Variants in AARS1 observed in about 807,000 individuals in gnomAD.
AARS1 encodes the protein alanyl-tRNA synthetase 1.
Under a neutral mutation model 108.9 loss-of-function variants are expected in AARS1, and 72 were observed. The observed-to-expected ratio is 0.66, with a 90% CI of 0.55 to 0.80. AARS1 has a LOEUF of 0.80. AARS1 is among the 30% of genes least tolerant of loss of function. The pLI is 0.00. For missense variants in AARS1, 1,193 were observed against 1,233.2 expected, an observed-to-expected ratio of 0.97 and a Z score of 0.49; for synonymous variants, 489 against 465.7, an observed-to-expected ratio of 1.05 and a Z score of -0.64.
In AARS1 at chr16:70,254,831, G is replaced by A. The variant is rs1424390045; in HGVS notation, c.2287-97C>T. On this transcript the variant is annotated intron_variant, in intron 16 of 20. Coordinates refer to ENST00000261772, the MANE Select transcript of AARS1 (RefSeq NM_001605.3). ...TGCGGAAGCCCCGGCGGTAGGCCTT[G>A]CAGCAACATACCCCAACACCCCAAA... 1.0e-5 allele frequency: 8 copies of A among 789,448 alleles called. No homozygotes were observed. In the Admixed American group the frequency reaches 1.4e-4, roughly 14 times the overall value. 48.9% of individuals were successfully genotyped at this position (789,448 alleles called of 1,614,324 possible).
At chr16:70,262,765 G>A (rs1037184095) in intron 11 of AARS1, among the ~76,000 whole-genome samples, 2 of 151,552 alleles carry the variant, frequency 1.3e-5, no homozygotes, top group Non-Finnish European at 1.5e-5. Flanking sequence ...TCAAGAGATC[G>A]AGACCATCCT....
rs199533780 is a variant in AARS1 at position 70,278,804 on chromosome 16, GA to G, written c.145-1651del. On this transcript the variant is annotated intron_variant, in intron 2 of 20. Coordinates refer to ENST00000261772, the MANE Select transcript of AARS1 (RefSeq NM_001605.3). ...TGCCTAATATCATTTCAAATTGGGG[GA>G]AAAAAAAAAGGCAAGGTATTTGCTG... 4.0e-3 allele frequency among the ~76,000 whole-genome samples: 586 copies of G among 146,402 alleles called. 4 individuals are homozygous for G. The highest frequency in any genetic ancestry group is 0.032 in the East Asian group (162 of 5,040).
intron 1 of AARS1, among the ~76,000 whole-genome samples, chr16:70,285,465 T>C (rs1024002857): frequency 2.6e-5 from 4 of 151,932 alleles, no homozygotes; most frequent in African/African-American, 9.7e-5. Flanking sequence ...TTTTTCTTTT[T>C]TGAGACAGAG....
At chr16:70,275,668 C>A (rs1207475230) in intron 4 of AARS1, among the ~76,000 whole-genome samples, 1 of 151,530 alleles carries the variant, frequency 6.6e-6, no homozygotes, top group Non-Finnish European at 1.5e-5. Context: ...GAGGCTGAGG[C>A]AGGAGAATGG....
chr16:70,286,373 T>G (rs2152172527), intron 1 of AARS1, among the ~76,000 whole-genome samples: 1 of 148,848 alleles, frequency 6.7e-6, no homozygotes, highest in East Asian at 2.0e-4. Flanking sequence ...TTTTTTTTTT[T>G]TTTTTTTTTT....
At chr16:70,262,229 C>T in intron 12 of AARS1, 117 bp downstream of exon 12, 1 of 1,293,276 alleles carries the variant, frequency 7.7e-7, no homozygotes, top group Non-Finnish European at 1.1e-6. Context: ...TACCATGGAA[C>T]CCAACCCAAA....
rs1555540563 is a variant in AARS1 at position 70,262,996 on chromosome 16, A to AAAAAAC, written c.1493-473_1493-472insGTTTTT. Among the ~76,000 whole-genome samples the AAAAAAC allele has an allele frequency of 3.2e-3, 412 of 128,942 alleles. 11 individuals are homozygous for AAAAAAC. Among genetic ancestry groups the AAAAAAC allele is most frequent in the Middle Eastern group, 7.9e-3 (2 of 252 alleles). The allele number at this position is 128,942 out of a possible 152,430, so 84.6% of individuals were successfully genotyped here. A position where few individuals can be genotyped will look rare whatever the true frequency, so the allele number is the denominator to read the frequency against. ...AAAAAAAAAAAAAAAAAAAAAAAAA[A>AAAAAAC]AACAACAACAACAAAGGGCTTCGCA... On this transcript the variant is annotated intron_variant, in intron 11 of 20. Transcript: ENST00000261772.
At chr16:70,260,900 G>C (rs1283337430) in intron 13 of AARS1, 144 bp downstream of exon 13, 2 of 630,524 alleles carry the variant, frequency 3.2e-6, no homozygotes, top group African/African-American at 3.6e-5. Context: ...CTGACCTCAT[G>C]ATCCACCCGC....
In AARS1 at chr16:70,252,653, G is replaced by A. The variant is rs1959868994; in HGVS notation, c.*68C>T. On this transcript the variant is annotated 3_prime_UTR_variant, in exon 21 of 21. Transcript: ENST00000261772. ...TCTTTAAAGGTCCCAAGATTCAAAT[G>A]TTCTTGTAGCAGATGAAGAGCTCTT... 2 of 1,561,784 alleles carry A rather than the reference G, an allele frequency of 1.3e-6. No homozygotes were observed. The highest frequency in any genetic ancestry group is 1.7e-5 in the Admixed American group (1 of 59,942).
chr16:70,268,182 A>G (rs1960311541), intron 8 of AARS1, 89 bp downstream of exon 8: 2 of 1,261,766 alleles, frequency 1.6e-6, no homozygotes, highest in African/African-American at 1.5e-5. Context: ...AACAGCAACA[A>G]AAAGCTGCTT....
At position 70,270,446 on chromosome 16, in the gene AARS1, C is replaced by T. The variant is rs1960371374; in HGVS notation, c.672-106G>A. 4 of 1,439,800 alleles carry T rather than the reference C, an allele frequency of 2.8e-6. No individual in the cohort carries two copies. The East Asian group carries it at 9.1e-5, about 33-fold the overall frequency. The allele number at this position is 1,439,800 out of a possible 1,614,324, so 89.2% of individuals were successfully genotyped here. On this transcript the variant is annotated intron_variant, in intron 5 of 20. Transcript: ENST00000261772. ...TACAGAACAGTTTGCAGGCTGTGAC[C>T]ATCTGCCATTTGCCCGGTTTGGTGG...
chr16:70,254,543 A>G (rs1959929817), intron 17 of AARS1, 78 bp downstream of exon 17: 3 of 1,048,334 alleles, frequency 2.9e-6, no homozygotes, highest in Middle Eastern at 2.0e-4. Flanking sequence ...GGCCTGACTG[A>G]CTACAGATGA....
intron 5 of AARS1, 144 bp from the exon 6 acceptor site, chr16:70,270,484 G>T: frequency 1.0e-6 from 1 of 988,250 alleles, no homozygotes; most frequent in Non-Finnish European, 1.6e-6. Context: ...AGAGGGAAGT[G>T]GAGGGAGAAA....
In AARS1 at chr16:70,253,344, G is replaced by A; in HGVS notation, c.2645C>T (p.Ser882Phe). The change falls in exon 20 of 21, where the codon TCC (serine) becomes TTC (phenylalanine). Residue 882 changes from serine to phenylalanine, a missense_variant. Physicochemically the swap from Ser to Phe is radical, Grantham distance 155. Coordinates refer to ENST00000261772, the MANE Select transcript of AARS1 (RefSeq NM_001605.3). Reference sequence around the variant, plus strand: ...GAAGAGCATGGCAGAAGTCTGAGGGGAGTGCATCTTGAAGAGCTTCAAGGC... The same window carrying A: ...GAAGAGCATGGCAGAAGTCTGAGGGAAGTGCATCTTGAAGAGCTTCAAGGC... ...NEALKLFKMH[S>F]PQTSAMLFTV... 6.2e-7 allele frequency: 1 copy of A among 1,614,188 alleles called. No individual in the cohort carries two copies. The highest frequency in any genetic ancestry group is 8.5e-7 in the Non-Finnish European group (1 of 1,180,024).
Position 70,287,027 on chromosome 16 carries a change from G to A in AARS1, c.-22+2394C>T, listed in dbSNP as rs1300734395. 4.6e-5 allele frequency among the ~76,000 whole-genome samples: 7 copies of A among 151,396 alleles called. No individual in the cohort carries two copies. The East Asian group carries it at 9.9e-4, about 21-fold the overall frequency. On this transcript the variant is annotated intron_variant, in intron 1 of 20. Coordinates refer to ENST00000261772, the MANE Select transcript of AARS1 (RefSeq NM_001605.3). ...AGCACTTTGGGAGGCCGAGGCGGGC[G>A]GATCACGAGGTCAGGAGATCGAGAC...
At chr16:70,266,416 A>C (rs1001033464) in intron 9 of AARS1, among the ~76,000 whole-genome samples, 1 of 151,868 alleles carries the variant, frequency 6.6e-6, no homozygotes, top group Non-Finnish European at 1.5e-5. Context: ...GAATGGCATG[A>C]CCCTGGGAGG....
intron 16 of AARS1, among the ~76,000 whole-genome samples, chr16:70,255,007 CT>C (rs1257700417): frequency 6.6e-6 from 1 of 152,090 alleles, no homozygotes; most frequent in Non-Finnish European, 1.5e-5. Flanking sequence ...GTGGCCACCC[CT>C]GGGGCTTTAG....
At chr16:70,285,163 T>C (rs1960808353) in intron 1 of AARS1, among the ~76,000 whole-genome samples, 2 of 149,358 alleles carry the variant, frequency 1.3e-5, no homozygotes, top group Admixed American at 1.3e-4. Flanking sequence ...TGGGAAATAG[T>C]GGTTGCAGTA....
chr16:70,288,095 CT>C (rs1258709609), intron 1 of AARS1, among the ~76,000 whole-genome samples: 12 of 108,502 alleles, frequency 1.1e-4, no homozygotes, highest in South Asian at 1.0e-3. Flanking sequence ...CCTTCCCCTT[CT>C]TCTTTTTTTT....
Sources: allele counts gnomAD v4.1 joint callset (sites outside exome capture counted in the v4.1 genomes callset), GRCh38; gene constraint gnomAD v4.1.1; transcripts MANE v1.5; gene names NCBI Gene and HGNC (gene_info 2026-07-23, HGNC 2026-07-21).